SMG5: variants seen among roughly 807,000 people sequenced by gnomAD.
SMG5 encodes the protein SMG5 nonsense mediated mRNA decay factor.
In SMG5, 53 loss-of-function variants were observed where a neutral mutation model predicts 122.9. The observed-to-expected ratio is 0.43, with a 90% CI of 0.35 to 0.54. SMG5 has a LOEUF of 0.54. Ranked by LOEUF, SMG5 falls within the 20% of genes least tolerant of loss-of-function variation. The probability of loss-of-function intolerance (pLI) is 0.01; values close to 1 mark genes in which losing one functional copy is unlikely to be tolerated. For synonymous variants in SMG5, 477 were observed against 490.2 expected, an observed-to-expected ratio of 0.97 and a Z score of 0.35; for missense variants, 1,153 against 1,285.6, an observed-to-expected ratio of 0.90 and a Z score of 1.58.
chr1:156,259,154 G>T lies in SMG5; in HGVS notation c.2293C>A (p.Arg765Ser). Reference protein sequence around the residue: ...LLSTLEESVVRICCIRSFGHF... With the variant: ...LLSTLEESVVSICCIRSFGHF... Reference sequence around the variant, plus strand: ...CCAAAGCTGCGGATGCAGCAGATGCGCACCACTGACTGTGGGGAGATACAG... The same window carrying T: ...CCAAAGCTGCGGATGCAGCAGATGCTCACCACTGACTGTGGGGAGATACAG... The change falls in exon 16 of 22, where the codon CGC (arginine) becomes AGC (serine). Residue 765 changes from arginine to serine, a missense_variant. Physicochemically the swap from Arg to Ser is moderately radical, Grantham distance 110. Transcript: ENST00000361813. 6.3e-7 allele frequency: 1 copy of T among 1,580,502 alleles called. No individual in the cohort carries two copies. Among genetic ancestry groups the T allele is most frequent in the Non-Finnish European group, 8.6e-7 (1 of 1,163,292 alleles).
chr1:156,274,735 C>A (rs144579463), intron 4 of SMG5, 49 bp from the exon 5 acceptor site: 3 of 1,493,186 alleles, frequency 2.0e-6, no homozygotes, highest in Admixed American at 1.7e-5. Context: ...TCTGCCTTCC[C>A]GCACCTATGA....
chr1:156,285,122 C>A (rs1572606393), upstream of SMG5: 1 of 1,420,016 alleles, frequency 7.0e-7, no homozygotes, highest in Non-Finnish European at 9.4e-7. Context: ...TGAGTTCTGT[C>A]AACCTGTCCT....
chr1:156,260,311 G>A (rs773566558), intron 15 of SMG5, 140 bp downstream of exon 15: 11 of 1,034,650 alleles, frequency 1.1e-5, no homozygotes, highest in Non-Finnish European at 1.5e-5. Flanking sequence ...GAAGAAGGAA[G>A]CACAGCCTGT....
chr1:156,262,494 A>AC (rs1277911730), intron 13 of SMG5, among the ~76,000 whole-genome samples: 7 of 151,644 alleles, frequency 4.6e-5, no homozygotes, highest in Middle Eastern at 3.2e-3. Flanking sequence ...AAAAAAAAAA[A>AC]AAAAGGAGAA....
intron 1 of SMG5, among the ~76,000 whole-genome samples, chr1:156,280,552 C>T (rs1662890395): frequency 2.6e-5 from 4 of 152,246 alleles, no homozygotes; most frequent in Admixed American, 2.6e-4. Flanking sequence ...ATGCCAGGGG[C>T]AGCACCAGTG....
At chr1:156,258,925 G>C in intron 16 of SMG5, 80 bp downstream of exon 16, 6 of 1,555,784 alleles carry the variant, frequency 3.9e-6, no homozygotes, top group Non-Finnish European at 5.2e-6. Context: ...GAGACCACCA[G>C]AGGGTCTGAG....
intron 12 of SMG5, among the ~76,000 whole-genome samples, chr1:156,264,745 G>A (rs1443103912): frequency 6.6e-6 from 1 of 152,172 alleles, no homozygotes; most frequent in Non-Finnish European, 1.5e-5. Context: ...GTTTGGAGGG[G>A]CTAGGTGTGG....
Position 156,277,981 on chromosome 1 carries a change from G to C in SMG5, c.241C>G (p.Leu81Val). 1 of 1,614,138 alleles carries C rather than the reference G, an allele frequency of 6.2e-7. No homozygotes were observed. Among genetic ancestry groups the C allele is most frequent in the Non-Finnish European group, 8.5e-7 (1 of 1,180,008 alleles). ...TCATAGTATACCTTTCTCCACAGCA[G>C]CTCCTCAGCCTTTCTCCCATAGTCC... ...PVDYGRKAEE[L>V]LWRKVYYEVI... Residue 81 changes from leucine (L) to valine (V), a missense_variant, in exon 3 of 22, where the codon CTG becomes GTG. Physicochemically the swap from Leu to Val is conservative, Grantham distance 32. Coordinates refer to ENST00000361813, the MANE Select transcript of SMG5 (RefSeq NM_015327.3).
chr1:156,263,494 C>T lies in SMG5; in HGVS notation c.1932G>A (p.Glu644=). Residue 644 remains glutamate (E), a synonymous_variant, in exon 13 of 22, where the codon GAG becomes GAA. Transcript: ENST00000361813. ...RSCRNERSIQ[E]KLQVLMAEGL... ...CTTCGGCCATCAGGACCTGAAGCTT[C>T]TCCTGGATGCTGCGCTCATTCCGAC... 2 of 1,614,250 alleles carry T rather than the reference C, an allele frequency of 1.2e-6. No homozygotes were observed. Among genetic ancestry groups the T allele is most frequent in the Non-Finnish European group, 1.7e-6 (2 of 1,180,046 alleles).
At chr1:156,285,493 G>A (rs751420605), upstream of SMG5, 82 of 1,613,996 alleles carry the variant, frequency 5.1e-5, no homozygotes, top group East Asian at 6.7e-5. Context: ...CTCCGTTCCC[G>A]GATCCCCCTG....
intron 7 of SMG5, among the ~76,000 whole-genome samples, chr1:156,269,497 G>A (rs932391080): frequency 6.6e-6 from 1 of 152,206 alleles, no homozygotes; most frequent in Admixed American, 6.5e-5. Flanking sequence ...AGCACTTTGG[G>A]AGGCTGAGGC....
intron 4 of SMG5, among the ~76,000 whole-genome samples, chr1:156,275,319 A>T (rs914526352): frequency 2.0e-5 from 3 of 152,170 alleles, no homozygotes; most frequent in Non-Finnish European, 4.4e-5. Context: ...TGATGGCCAA[A>T]GTCAAATATG....
intron 1 of SMG5, among the ~76,000 whole-genome samples, chr1:156,281,114 C>T (rs1662916570): frequency 6.6e-6 from 1 of 152,298 alleles, no homozygotes; most frequent in East Asian, 1.9e-4. Flanking sequence ...GTTCCTTCCA[C>T]TGATCACCAC....
chr1:156,289,507 G>T, the SMG5 span, among the ~76,000 whole-genome samples: 1 of 152,200 alleles, frequency 6.6e-6, no homozygotes, highest in Non-Finnish European at 1.5e-5. Flanking sequence ...AGCTACTCAG[G>T]AGGCTGAGGC....
intron 7 of SMG5, among the ~76,000 whole-genome samples, chr1:156,269,027 G>A (rs1662282739): frequency 6.7e-6 from 1 of 149,796 alleles, no homozygotes; most frequent in Non-Finnish European, 1.5e-5. Context: ...CTGGAGTGCT[G>A]TGGCACAATC....
At chr1:156,282,405 C>T (rs758653092) in intron 1 of SMG5, among the ~76,000 whole-genome samples, 5 of 152,182 alleles carry the variant, frequency 3.3e-5, no homozygotes, top group Non-Finnish European at 7.3e-5. Context: ...ACGTGCTTCC[C>T]TCCAAACCTC....
At chr1:156,291,069 G>T in the SMG5 span, 1 of 326,140 alleles carries the variant, frequency 3.1e-6, no homozygotes, top group Non-Finnish European at 5.8e-6. Flanking sequence ...AAGGCCAGAA[G>T]TTTGAGCCCA....
chr1:156,269,005 C>G (rs1662282020), intron 7 of SMG5, among the ~76,000 whole-genome samples: 1 of 150,978 alleles, frequency 6.6e-6, no homozygotes, highest in Non-Finnish European at 1.5e-5. Context: ...GAGTCTCACT[C>G]TATCACCCTG....
chr1:156,278,343 A>T (rs1406506824), intron 2 of SMG5, among the ~76,000 whole-genome samples: 1 of 149,734 alleles, frequency 6.7e-6, no homozygotes, highest in Non-Finnish European at 1.5e-5. Flanking sequence ...ATTATGCAGT[A>T]TGGCCGACTC....
Sources: allele counts gnomAD v4.1 joint callset (sites outside exome capture counted in the v4.1 genomes callset), GRCh38; gene constraint gnomAD v4.1.1; transcripts MANE v1.5; gene names NCBI Gene and HGNC (gene_info 2026-07-23, HGNC 2026-07-21).